Variants in DNAH9 observed in about 807,000 individuals in gnomAD.
DNAH9 encodes dynein axonemal heavy chain 9.
Under a neutral mutation model 471.6 loss-of-function variants are expected in DNAH9, and 345 were observed. That is an observed-to-expected ratio of 0.73 (90% confidence interval 0.67 to 0.80). The LOEUF (loss-of-function observed/expected upper bound fraction) is 0.80. Among genes scored for constraint, DNAH9 ranks in the 30% least tolerant of loss-of-function variants. The pLI is 0.00. For synonymous variants in DNAH9, 2,093 were observed against 2,123.6 expected (o/e 0.99, Z 0.40); for missense variants, 5,407 against 5,609.2 (o/e 0.96, Z 1.15).
intron 53 of DNAH9, among the ~76,000 whole-genome samples, chr17:11,877,498 AAAAAAG>A (rs1972548455): frequency 8.1e-6 from 1 of 122,834 alleles, no homozygotes; most frequent in Admixed American, 9.0e-5. Flanking sequence ...AAAAAAAAAA[AAAAAAG>A]TAATGGTGGC....
intron 37 of DNAH9, 84 bp downstream of exon 37, chr17:11,768,710 A>G: frequency 6.7e-7 from 1 of 1,503,136 alleles, no homozygotes; most frequent in Non-Finnish European, 9.0e-7. Context: ...CCGCATGGCT[A>G]TCTGAGCATT....
chr17:11,698,344 A>G (rs1337998672), intron 22 of DNAH9, among the ~76,000 whole-genome samples: 1 of 138,080 alleles, frequency 7.2e-6, no homozygotes, highest in African/African-American at 2.7e-5. Flanking sequence ...TATATTATAC[A>G]TACTAATTAT....
At chr17:11,833,418 T>G (rs1033628373) in intron 48 of DNAH9, among the ~76,000 whole-genome samples, 2 of 152,200 alleles carry the variant, frequency 1.3e-5, no homozygotes, top group African/African-American at 4.8e-5. Context: ...GCTTAGCCAC[T>G]CAAAGGCAGG....
At chr17:11,600,782 G>A (rs973090141) in intron 1 of DNAH9, among the ~76,000 whole-genome samples, 101 of 152,174 alleles carry the variant, frequency 6.6e-4, no homozygotes, top group African/African-American at 2.3e-3. Context: ...ATGTCCAACC[G>A]GAGTTATTCC....
chr17:11,708,478 C>G (rs11655363), intron 26 of DNAH9, among the ~76,000 whole-genome samples: 22,816 of 151,996 alleles, frequency 0.15, 1,927 homozygotes, highest in South Asian at 0.26. Context: ...AGGGAGATGT[C>G]GATCTCTCTG....
intron 22 of DNAH9, among the ~76,000 whole-genome samples, chr17:11,698,179 T>TAAAA (rs1567728531): frequency 3.4e-4 from 2 of 5,838 alleles, no homozygotes; most frequent in African/African-American, 7.6e-4. Flanking sequence ...TATTAATATA[T>TAAAA]TATTATATTA....
intron 36 of DNAH9, among the ~76,000 whole-genome samples, chr17:11,767,344 A>C (rs750970187): frequency 2.9e-4 from 44 of 152,340 alleles, no homozygotes; most frequent in Admixed American, 7.2e-4. Flanking sequence ...AATATTGGGA[A>C]GTTATAACGT....
At chr17:11,891,111 AT>A (rs1973036516) in intron 57 of DNAH9, among the ~76,000 whole-genome samples, 1 of 152,194 alleles carries the variant, frequency 6.6e-6, no homozygotes, top group Non-Finnish European at 1.5e-5. Context: ...GATTCACATG[AT>A]TTTTATATGA....
At position 11,875,235 on chromosome 17, in the gene DNAH9, T is replaced by A. The variant is rs745539092; in HGVS notation, c.10478+51T>A. 5 of 1,476,684 alleles carry A rather than the reference T, an allele frequency of 3.4e-6. No homozygotes were observed. In the African/African-American group the frequency reaches 7.5e-5, roughly 22 times the overall value. 91.5% of individuals were successfully genotyped at this position (1,476,684 alleles called of 1,614,324 possible). A position where few individuals can be genotyped will look rare whatever the true frequency, so the allele number is the denominator to read the frequency against. ...CACTTTAGCCATTTGTGCAGGAAAA[T>A]GTATAGATCATGAGCAGATTTTAAG... On this transcript the variant is annotated intron_variant, in intron 53 of 68. Transcript: ENST00000262442.
At chr17:11,633,843 A>G (rs2073111662) in intron 8 of DNAH9, among the ~76,000 whole-genome samples, 1 of 152,228 alleles carries the variant, frequency 6.6e-6, no homozygotes. Context: ...ATGCCTCACA[A>G]GTATTCTCAA....
chr17:11,749,067 TTTTTTTGTTTTTTTTTTTG>T (rs1270551857), intron 32 of DNAH9, among the ~76,000 whole-genome samples: 2 of 23,320 alleles, frequency 8.6e-5, no homozygotes, highest in Admixed American at 6.3e-4. Flanking sequence ...TAAGAGGGTT[TTTTTTTGTTTTTTTTTTTG>T]TTTTTTTTTT....
chr17:11,655,107 G>A (rs1331595569), intron 14 of DNAH9, among the ~76,000 whole-genome samples: 1 of 152,042 alleles, frequency 6.6e-6, no homozygotes, highest in East Asian at 1.9e-4. Context: ...AGTGTACACT[G>A]TACCCAGTGT....
chr17:11,948,222 CTCTTT>C (rs1975210660), intron 67 of DNAH9, among the ~76,000 whole-genome samples: 1 of 133,744 alleles, frequency 7.5e-6, no homozygotes, highest in Admixed American at 7.4e-5. Flanking sequence ...TCTAATCTGG[CTCTTT>C]TTTTTTTTTT....
chr17:11,865,754 C>T (rs1049923654), intron 50 of DNAH9, among the ~76,000 whole-genome samples: 1 of 152,134 alleles, frequency 6.6e-6, no homozygotes, highest in Non-Finnish European at 1.5e-5. Flanking sequence ...TCCGTTCTCA[C>T]TTCATTTCAT....
intron 49 of DNAH9, among the ~76,000 whole-genome samples, chr17:11,844,345 A>T (rs961993301): frequency 1.3e-5 from 2 of 152,186 alleles, no homozygotes; most frequent in Non-Finnish European, 1.5e-5. Flanking sequence ...GATATTTTGT[A>T]CATTAATATA....
chr17:11,703,352 G>A (rs937520002), intron 24 of DNAH9, among the ~76,000 whole-genome samples: 1 of 152,136 alleles, frequency 6.6e-6, no homozygotes, highest in Non-Finnish European at 1.5e-5. Flanking sequence ...TGTTTACTAC[G>A]ATGAGATTCT....
At chr17:11,965,470 TAAAC>T (rs1269061884) in intron 68 of DNAH9, among the ~76,000 whole-genome samples, 1 of 152,224 alleles carries the variant, frequency 6.6e-6, no homozygotes, top group Non-Finnish European at 1.5e-5. Flanking sequence ...GAAAAGTCAC[TAAAC>T]AAACCCTGGC....
chr17:11,828,401 C>T (rs767223877), intron 48 of DNAH9, among the ~76,000 whole-genome samples: 21 of 144,648 alleles, frequency 1.5e-4, no homozygotes, highest in African/African-American at 2.8e-4. Context: ...CGAACCTGGG[C>T]GGTGGAGGTT....
chr17:11,817,733 A>G (rs1970151225), intron 45 of DNAH9, among the ~76,000 whole-genome samples: 1 of 152,248 alleles, frequency 6.6e-6, no homozygotes, highest in Non-Finnish European at 1.5e-5. Context: ...GAAGAGGCTG[A>G]AATGAGTCAT....
Sources: allele counts gnomAD v4.1 joint callset (sites outside exome capture counted in the v4.1 genomes callset), GRCh38; gene constraint gnomAD v4.1.1; transcripts MANE v1.5; gene names NCBI Gene and HGNC (gene_info 2026-07-23, HGNC 2026-07-21).